Variants in GALNT18 observed in about 807,000 individuals in gnomAD.
GALNT18 encodes polypeptide N-acetylgalactosaminyltransferase 18.
In GALNT18, 44 loss-of-function variants were observed where a neutral mutation model predicts 69.5. The observed-to-expected ratio is 0.63, with a 90% CI of 0.50 to 0.81. The LOEUF (loss-of-function observed/expected upper bound fraction) is 0.81, where lower values mean the gene tolerates loss of function less well. GALNT18 is among the 40% of genes least tolerant of loss of function. The pLI is 0.00. For missense variants in GALNT18, 715 were observed against 810.0 expected, an observed-to-expected ratio of 0.88 and a Z score of 1.42; for synonymous variants, 364 against 318.2, an observed-to-expected ratio of 1.14 and a Z score of -1.53.
chr11:11,502,147 C>T (rs1013642851), intron 1 of GALNT18, among the ~76,000 whole-genome samples: 1 of 152,160 alleles, frequency 6.6e-6, no homozygotes, highest in Non-Finnish European at 1.5e-5. Context: ...CTGAGCTCAG[C>T]TCAGCACCTC....
At position 11,289,706 on chromosome 11, in the gene GALNT18, C is replaced by T. The variant is rs1481674484; in HGVS notation, c.1677+3323G>A. Reference sequence around the variant, plus strand: ...AGTTACTCCAGTGGGGACCTCAGAGCGTGGGTGGGAAGGATTCTGTGAGGG... The same window carrying T: ...AGTTACTCCAGTGGGGACCTCAGAGTGTGGGTGGGAAGGATTCTGTGAGGG... On this transcript the variant is annotated intron_variant, in intron 10 of 10. Coordinates refer to ENST00000227756, the MANE Select transcript of GALNT18 (RefSeq NM_198516.3). Among the ~76,000 whole-genome samples, 8 of 152,150 alleles carry T rather than the reference C, an allele frequency of 5.3e-5. No individual in the cohort carries two copies. In the East Asian group the frequency reaches 5.8e-4, roughly 11 times the overall value.
rs1276949091 is a variant in GALNT18 at position 11,463,535 on chromosome 11, G to C, written c.236-14599C>G. Among the ~76,000 whole-genome samples, 1 of 152,090 alleles carries C rather than the reference G, an allele frequency of 6.6e-6. No individual in the cohort carries two copies. The highest frequency in any genetic ancestry group is 1.5e-5 in the Non-Finnish European group (1 of 68,024). On this transcript the variant is annotated intron_variant, in intron 1 of 10. Coordinates refer to ENST00000227756, the MANE Select transcript of GALNT18 (RefSeq NM_198516.3). The surrounding 1 kb of genome is among the most constrained non-coding windows in gnomAD (Gnocchi z 4.2). ...GGAGCCCTAGCTGTTGTGGCCCCAG[G>C]GCTGAGCGTGCCATCACTCCCAGCA... is the stretch of plus-strand genomic sequence containing the variant.
At chr11:11,527,287 A>G (rs1857545265) in intron 1 of GALNT18, among the ~76,000 whole-genome samples, 1 of 152,182 alleles carries the variant, frequency 6.6e-6, no homozygotes, top group Non-Finnish European at 1.5e-5. Flanking sequence ...ATGTTTCACT[A>G]TCTAAGACAC....
chr11:11,521,440 G>T (rs1857397092), intron 1 of GALNT18, among the ~76,000 whole-genome samples: 1 of 152,008 alleles, frequency 6.6e-6, no homozygotes, highest in African/African-American at 2.4e-5. Context: ...CCAAGTCAGT[G>T]ACTCTCTAAG....
At position 11,618,956 on chromosome 11, in the gene GALNT18, G is replaced by A. The variant is rs1209961558; in HGVS notation, c.235+2403C>T. The stretch of plus-strand genomic sequence containing the variant: ...ACAGCTTGTACCATCAAGCACAAGA[G>A]CTTGATCTTATTGTCCTTTACCACC... On this transcript the variant is annotated intron_variant, in intron 1 of 10. Transcript: ENST00000227756. The surrounding 1 kb of genome is among the most constrained non-coding windows in gnomAD (Gnocchi z 6.1). 6.6e-6 allele frequency among the ~76,000 whole-genome samples: 1 copy of A among 152,146 alleles called. No individual in the cohort carries two copies. Among genetic ancestry groups the A allele is most frequent in the Non-Finnish European group, 1.5e-5 (1 of 68,020 alleles).
chr11:11,271,092 G>A lies in GALNT18; in HGVS notation c.*52C>T. 2 of 1,550,104 alleles carry A rather than the reference G, an allele frequency of 1.3e-6. No individual in the cohort carries two copies. The highest frequency in any genetic ancestry group is 2.3e-5 in the East Asian group (1 of 43,728). On this transcript the variant is annotated 3_prime_UTR_variant, in exon 11 of 11. Transcript: ENST00000227756. ...CCCCACGTGGACAGCAGGCAACGTTGCAGCAGGTGCTACACAGTAGCAAAG... is the reference window on the plus strand; with the variant it reads ...CCCCACGTGGACAGCAGGCAACGTTACAGCAGGTGCTACACAGTAGCAAAG...
rs1850432257 is a variant in GALNT18 at position 11,352,485 on chromosome 11, C to A, written c.1093-11481G>T. On this transcript the variant is annotated intron_variant, in intron 6 of 10. Coordinates refer to ENST00000227756, the MANE Select transcript of GALNT18 (RefSeq NM_198516.3). ...ACAACCCAATCTCCACATATCCAAA[C>A]TATAATCGTACATCTGATAGTCTAC... The A allele has an allele frequency of 3.1e-6, 5 of 1,614,132 alleles. No individual in the cohort carries two copies. The South Asian group carries it at 5.5e-5, about 18-fold the overall frequency.
At chr11:11,288,635 A>G (rs1194434236) in intron 10 of GALNT18, among the ~76,000 whole-genome samples, 1 of 152,236 alleles carries the variant, frequency 6.6e-6, no homozygotes, top group Non-Finnish European at 1.5e-5. Flanking sequence ...ACTGTTCATC[A>G]TTGGAAAATT....
chr11:11,284,930 T>TTTTTTTTTTA (rs1554909662), intron 10 of GALNT18, among the ~76,000 whole-genome samples: 14 of 134,714 alleles, frequency 1.0e-4, no homozygotes, highest in African/African-American at 3.0e-4. Context: ...TTTTTTTTTT[T>TTTTTTTTTTA]AACTACTTGG....
intron 1 of GALNT18, among the ~76,000 whole-genome samples, chr11:11,479,342 G>A (rs530919034): frequency 3.3e-5 from 5 of 152,304 alleles, no homozygotes; most frequent in South Asian, 2.1e-4. Context: ...TTGAGGAAGA[G>A]GAGGTATGTG....
intron 9 of GALNT18, among the ~76,000 whole-genome samples, chr11:11,299,534 T>A (rs1849457840): frequency 6.6e-6 from 1 of 152,206 alleles, no homozygotes; most frequent in Admixed American, 6.5e-5. Context: ...CTTTGCATCC[T>A]CATAGCATAG....
chr11:11,272,827 C>T (rs75583826), intron 10 of GALNT18, among the ~76,000 whole-genome samples: 9,093 of 152,214 alleles, frequency 0.06, 326 homozygotes, highest in Middle Eastern at 0.18. Context: ...GGGAAGTGCA[C>T]TGAGAGAGGG....
intron 1 of GALNT18, among the ~76,000 whole-genome samples, chr11:11,462,749 A>G (rs560323415): frequency 5.3e-5 from 8 of 152,310 alleles, no homozygotes; most frequent in Non-Finnish European, 7.4e-5. Context: ...AGAATGTTCA[A>G]TGGAACCACC....
chr11:11,453,751 C>G (rs143260111), intron 1 of GALNT18, among the ~76,000 whole-genome samples: 3 of 152,330 alleles, frequency 2.0e-5, no homozygotes, highest in Admixed American at 6.5e-5. Context: ...TCCCTGCCAC[C>G]ACGTAAGGTG....
intron 1 of GALNT18, among the ~76,000 whole-genome samples, chr11:11,520,550 T>C (rs1310063700): frequency 1.3e-5 from 2 of 152,116 alleles, no homozygotes; most frequent in Non-Finnish European, 2.9e-5. Flanking sequence ...CTGTGTGGCG[T>C]GCAAGGGGAT....
At chr11:11,437,824 G>A (rs1564949365) in intron 2 of GALNT18, among the ~76,000 whole-genome samples, 1 of 151,938 alleles carries the variant, frequency 6.6e-6, no homozygotes, top group Non-Finnish European at 1.5e-5. Context: ...TGTGAATTGG[G>A]GTCTGTCTGC....
rs1219912420 is a variant in GALNT18 at position 11,396,039 on chromosome 11, G to A, written c.596-16775C>T. On this transcript the variant is annotated intron_variant, in intron 3 of 10. Transcript: ENST00000227756. This position sits in a 1 kb window ranked among gnomAD's most constrained non-coding sequence, Gnocchi z 5.2. ...GTGGGAGAGGTGCCATTTTCCTGGG[G>A]TACAGCTGAGCCTTACCCAGCAACA... 6.6e-6 allele frequency among the ~76,000 whole-genome samples: 1 copy of A among 152,306 alleles called. No individual in the cohort carries two copies. The highest frequency in any genetic ancestry group is 1.9e-4 in the East Asian group (1 of 5,180).
Position 11,271,251 on chromosome 11 carries a change from C to T in GALNT18, c.1717G>A (p.Glu573Lys). The T allele has an allele frequency of 6.2e-7, 1 of 1,614,100 alleles. No individual in the cohort carries two copies. Among genetic ancestry groups the T allele is most frequent in the Non-Finnish European group, 8.5e-7 (1 of 1,179,992 alleles). The change falls in exon 11 of 11, where the codon GAG becomes AAG. Residue 573 changes from glutamate to lysine, a missense_variant. Transcript: ENST00000227756. ...IQNRKSKRCL[E>K]LQENSDLEFG... The stretch of plus-strand genomic sequence containing the variant: ...TCCAGGTCGCTATTCTCCTGCAGCT[C>T]CAGACAGCGCTTAGACTTGCGGTTC...
rs1850153704 is a variant in GALNT18, at chr11:11,338,698, CA to C, written c.1278+2120del. 6.6e-6 allele frequency among the ~76,000 whole-genome samples: 1 copy of C among 152,086 alleles called. No homozygotes were observed. Among genetic ancestry groups the C allele is most frequent in the African/African-American group, 2.4e-5 (1 of 41,402 alleles). ...TGAGTCTGAAAGTGAAGGCAGAAAT[CA>C]GGGGTAGAGATATTAATTAGGAAGG... On this transcript the variant is annotated intron_variant, in intron 7 of 10. Transcript: ENST00000227756. This position sits in a 1 kb window ranked among gnomAD's most constrained non-coding sequence, Gnocchi z 5.3.
Sources: allele counts gnomAD v4.1 joint callset (sites outside exome capture counted in the v4.1 genomes callset), GRCh38; gene constraint gnomAD v4.1.1; non-coding constraint Gnocchi (gnomAD v3.1); transcripts MANE v1.5; gene names NCBI Gene and HGNC (gene_info 2026-07-23, HGNC 2026-07-21).